FGF13: variants seen among roughly 807,000 people sequenced by gnomAD.
The protein encoded by FGF13 is fibroblast growth factor homologous factor 2.
FGF13 carries 2 observed loss-of-function variants against 19.5 expected under a neutral mutation model. The ratio of observed to expected loss-of-function variants is 0.10; its 90% CI spans 0.04 to 0.32. The LOEUF is 0.32. FGF13 is among the 10% of genes least tolerant of loss of function. The probability of loss-of-function intolerance (pLI) is 1.00; values close to 1 mark genes in which losing one functional copy is unlikely to be tolerated. For missense variants in FGF13, 113 were observed against 192.7 expected, an observed-to-expected ratio of 0.59 and a Z score of 2.45; for synonymous variants, 72 against 76.9, an observed-to-expected ratio of 0.94 and a Z score of 0.33.
chrX:138,872,919 A>G (rs2124167527), intron 1 of FGF13, among the ~76,000 whole-genome samples: 1 of 111,717 alleles, frequency 9.0e-6, no homozygotes, highest in Non-Finnish European at 1.9e-5. Context: ...GAGGGGGACA[A>G]GGGTCTACTG....
chrX:138,881,383 T>C (rs2091423631), intron 1 of FGF13, among the ~76,000 whole-genome samples: 1 of 112,096 alleles, frequency 8.9e-6, no homozygotes, highest in Admixed American at 9.5e-5. Context: ...AACAGTTTTA[T>C]TCTTCCTCTC....
intron 1 of FGF13, among the ~76,000 whole-genome samples, chrX:139,030,268 T>TCA (rs2092221573): frequency 9.0e-6 from 1 of 111,413 alleles, no homozygotes; most frequent in Non-Finnish European, 1.9e-5. Flanking sequence ...CAAATGATTT[T>TCA]CTTGATCTGA....
chrX:138,930,007 A>G (rs1354323249), intron 1 of FGF13, among the ~76,000 whole-genome samples: 1 of 111,360 alleles, frequency 9.0e-6, no homozygotes, highest in East Asian at 2.8e-4. Context: ...CATTTAATAA[A>G]GATTTGCCTA....
intron 1 of FGF13, among the ~76,000 whole-genome samples, chrX:138,978,564 T>G (rs548216659): frequency 1.8e-5 from 2 of 112,649 alleles, no homozygotes; most frequent in South Asian, 7.4e-4. Flanking sequence ...GCCCGGCCCC[T>G]GGTGTTCTTA....
chrX:138,683,189 T>C (rs2089745777), intron 3 of FGF13, among the ~76,000 whole-genome samples: 1 of 111,334 alleles, frequency 9.0e-6, no homozygotes, highest in African/African-American at 3.3e-5. Context: ...TTAGAGGACA[T>C]AGAGTATGTC....
chrX:139,052,757 T>C (rs942198428), intron 1 of FGF13, among the ~76,000 whole-genome samples: 1 of 112,472 alleles, frequency 8.9e-6, no homozygotes, highest in Non-Finnish European at 1.9e-5. Flanking sequence ...CTTTGACCGC[T>C]TCCACCTCTT....
At chrX:139,189,652 G>A (rs1240975726) in intron 1 of FGF13, among the ~76,000 whole-genome samples, 1 of 111,751 alleles carries the variant, frequency 8.9e-6, no homozygotes, top group Admixed American at 9.4e-5. Context: ...AGACAAAGTA[G>A]AATGGAGGTT....
chrX:138,748,045 C>T (rs2090368691), intron 3 of FGF13, among the ~76,000 whole-genome samples: 1 of 111,341 alleles, frequency 9.0e-6, no homozygotes, highest in South Asian at 3.8e-4. Context: ...TTCTCTGGGA[C>T]TTCCACTAGT....
chrX:139,063,922 T>C (rs774694082), intron 1 of FGF13, among the ~76,000 whole-genome samples: 1 of 111,531 alleles, frequency 9.0e-6, no homozygotes, highest in Non-Finnish European at 1.9e-5. Flanking sequence ...GATCTATCAG[T>C]TTATACGAGT....
chrX:138,926,305 G>A (rs915684253), intron 1 of FGF13, among the ~76,000 whole-genome samples: 10 of 112,559 alleles, frequency 8.9e-5, no homozygotes, highest in Non-Finnish European at 1.9e-4. Flanking sequence ...TTAGGGTTCA[G>A]TGACACAGCA....
In FGF13 at chrX:138,622,379, G is replaced by T. The variant is rs1246510065; in HGVS notation, c.*10471C>A. The T allele has an allele frequency of 9.0e-6, 1 of 110,777 alleles. No homozygotes were observed. The highest frequency in any genetic ancestry group is 1.9e-5 in the Non-Finnish European group (1 of 52,797). 9.1% of individuals were successfully genotyped at this position (110,777 alleles called of 1,213,427 possible). Reference sequence around the variant, plus strand: ...GATCATTTTAACAGATACAGAAAAGGCATTTGAAAAAAAATCAACACCCTT... The same window carrying T: ...GATCATTTTAACAGATACAGAAAAGTCATTTGAAAAAAAATCAACACCCTT... On this transcript the variant is annotated 3_prime_UTR_variant, in exon 5 of 5. Transcript: ENST00000315930.
chrX:138,674,633 C>T (rs2089646802), intron 3 of FGF13, among the ~76,000 whole-genome samples: 1 of 109,810 alleles, frequency 9.1e-6, no homozygotes, highest in South Asian at 3.9e-4. Context: ...TCTGTGGGGT[C>T]AAGAAATTTG....
chrX:139,076,370 C>T (rs993680542), intron 1 of FGF13, among the ~76,000 whole-genome samples: 7 of 111,645 alleles, frequency 6.3e-5, no homozygotes, highest in Non-Finnish European at 9.4e-5. Context: ...TATGGAAGTG[C>T]AATTTGCACT....
intron 3 of FGF13, among the ~76,000 whole-genome samples, chrX:138,688,520 G>A (rs930283132): frequency 9.0e-6 from 1 of 111,458 alleles, no homozygotes; most frequent in Non-Finnish European, 1.9e-5. Flanking sequence ...TGAAGTGACA[G>A]ATGTCCCAGT....
chrX:138,679,360 C>A (rs1307736192), intron 3 of FGF13, among the ~76,000 whole-genome samples: 1 of 110,899 alleles, frequency 9.0e-6, no homozygotes, highest in African/African-American at 3.3e-5. Flanking sequence ...GCTACAGGCA[C>A]GAGCCACCAC....
chrX:138,866,012 C>A (rs1298885281), intron 1 of FGF13, among the ~76,000 whole-genome samples: 1 of 112,414 alleles, frequency 8.9e-6, no homozygotes, highest in Non-Finnish European at 1.9e-5. Flanking sequence ...TAAAATGGTA[C>A]CAAGAACTAA....
intron 3 of FGF13, among the ~76,000 whole-genome samples, chrX:138,847,261 G>A (rs1027933838): frequency 1.8e-5 from 2 of 111,590 alleles, no homozygotes; most frequent in African/African-American, 6.5e-5. Flanking sequence ...TTGCTGATCT[G>A]TGAAATGGTA....
intron 3 of FGF13, among the ~76,000 whole-genome samples, chrX:138,679,253 T>A (rs1427441342): frequency 9.1e-6 from 1 of 110,215 alleles, no homozygotes; most frequent in Non-Finnish European, 1.9e-5. Context: ...ATTTTTTTTT[T>A]CTTTTTGTAG....
At chrX:139,003,107 T>C (rs1033102982) in intron 1 of FGF13, among the ~76,000 whole-genome samples, 6 of 111,937 alleles carry the variant, frequency 5.4e-5, no homozygotes, top group African/African-American at 1.6e-4. Flanking sequence ...ACCCTCGCGG[T>C]GAGTGTTACA....
Sources: allele counts gnomAD v4.1 joint callset (sites outside exome capture counted in the v4.1 genomes callset), GRCh38; gene constraint gnomAD v4.1.1; transcripts MANE v1.5; gene names NCBI Gene and HGNC (gene_info 2026-07-23, HGNC 2026-07-21).